Variants in GTF2F2 observed in about 807,000 individuals in gnomAD.
GTF2F2 encodes the protein ATP-dependent helicase GTF2F2.
In GTF2F2, 23 loss-of-function variants were observed where a neutral mutation model predicts 42.2. The observed-to-expected ratio is 0.55, with a 90% CI of 0.39 to 0.77. GTF2F2 has a LOEUF of 0.77. Among genes scored for constraint, GTF2F2 ranks in the 30% least tolerant of loss-of-function variants. The pLI is 0.00. For missense variants in GTF2F2, 261 were observed against 287.2 expected, an observed-to-expected ratio of 0.91 and a Z score of 0.66; for synonymous variants, 105 against 100.8, an observed-to-expected ratio of 1.04 and a Z score of -0.25.
chr13:45,193,924 G>C, intron 4 of GTF2F2: 1 of 1,614,028 alleles, frequency 6.2e-7, no homozygotes, highest in Non-Finnish European at 8.5e-7. Context: ...ACAGACAAAG[G>C]TGTTGTCTTC....
intron 1 of GTF2F2, among the ~76,000 whole-genome samples, 171 bp from the exon 2 acceptor site, chr13:45,136,562 A>C (rs1487296323): frequency 6.6e-6 from 1 of 152,222 alleles, no homozygotes; most frequent in African/African-American, 2.4e-5. Flanking sequence ...TTGAGAGCTA[A>C]AATCATTTTT....
chr13:45,207,005 A>AACACACACAC (rs10547539), intron 4 of GTF2F2: 10,951 of 139,174 alleles, frequency 0.079, 467 homozygotes, highest in Non-Finnish European at 0.095. Flanking sequence ...CACATACACA[A>AACACACACAC]ACACACACAC....
intron 4 of GTF2F2, among the ~76,000 whole-genome samples, chr13:45,154,566 A>C (rs7996878): frequency 3.0e-4 from 46 of 152,296 alleles, no homozygotes; most frequent in African/African-American, 1.0e-3. Context: ...ACACTATAAC[A>C]ATTTTTTGCT....
intron 5 of GTF2F2, among the ~76,000 whole-genome samples, chr13:45,242,184 A>G (rs1425783797): frequency 7.0e-6 from 1 of 143,498 alleles, no homozygotes; most frequent in Non-Finnish European, 1.5e-5. Context: ...CTCAACCCTC[A>G]CCCTATTACT....
chr13:45,174,370 A>G (rs1176653678), intron 4 of GTF2F2, among the ~76,000 whole-genome samples: 1 of 152,194 alleles, frequency 6.6e-6, no homozygotes, highest in African/African-American at 2.4e-5. Context: ...AAGATGTATT[A>G]ACATGAAACA....
intron 5 of GTF2F2, among the ~76,000 whole-genome samples, chr13:45,252,636 T>C (rs1020483720): frequency 6.6e-6 from 1 of 152,154 alleles, no homozygotes; most frequent in African/African-American, 2.4e-5. Flanking sequence ...AATAAGCGGG[T>C]GAAAAGTACA....
At chr13:45,241,685 A>G (rs187022915) in intron 5 of GTF2F2, among the ~76,000 whole-genome samples, 10 of 152,310 alleles carry the variant, frequency 6.6e-5, no homozygotes, top group African/African-American at 1.2e-4. Flanking sequence ...TTTTATATCT[A>G]TTCTCTTAAA....
intron 1 of GTF2F2, chr13:45,123,180 T>G (rs1298377737): frequency 6.6e-6 from 1 of 152,298 alleles, no homozygotes; most frequent in Non-Finnish European, 1.5e-5. Flanking sequence ...GGCGGGTGTC[T>G]CCTTCCTCCC....
At position 45,128,782 on chromosome 13, in the gene GTF2F2, T is replaced by TG. The variant is rs569415175; in HGVS notation, c.67-7947dup. ...ATAATTTTTAAATTTTTTGTAGAGA[T>TG]GGGGTCCCCGTATGTTGCCCAGGGT... On this transcript the variant is annotated intron_variant, in intron 1 of 7. Transcript: ENST00000340473. 2.0e-4 allele frequency among the ~76,000 whole-genome samples: 31 copies of TG among 152,016 alleles called. 1 individual carries two copies. The South Asian group carries it at 5.0e-3, about 25-fold the overall frequency.
At chr13:45,121,271 C>G (rs1284072768) in intron 1 of GTF2F2, among the ~76,000 whole-genome samples, 2 of 152,188 alleles carry the variant, frequency 1.3e-5, no homozygotes, top group Admixed American at 6.5e-5. Context: ...ACATTTGGGT[C>G]TCGTGAAACT....
intron 5 of GTF2F2, among the ~76,000 whole-genome samples, chr13:45,217,591 T>C (rs1289071527): frequency 6.6e-6 from 1 of 152,238 alleles, no homozygotes; most frequent in Non-Finnish European, 1.5e-5. Flanking sequence ...GATTTATAGT[T>C]ACACCTTGGT....
At chr13:45,218,473 G>A (rs1873978429) in intron 5 of GTF2F2, among the ~76,000 whole-genome samples, 1 of 152,196 alleles carries the variant, frequency 6.6e-6, no homozygotes, top group Non-Finnish European at 1.5e-5. Flanking sequence ...TCATGTGAAT[G>A]TGCCCCTTTA....
chr13:45,163,832 G>C (rs1209816652), intron 4 of GTF2F2, among the ~76,000 whole-genome samples: 1 of 152,116 alleles, frequency 6.6e-6, no homozygotes, highest in Non-Finnish European at 1.5e-5. Context: ...TTATTTGGTT[G>C]CCTTTGTATT....
intron 4 of GTF2F2, 68 bp downstream of exon 4, chr13:45,151,899 C>T (rs1435453542): frequency 4.3e-6 from 2 of 460,948 alleles, no homozygotes; most frequent in African/African-American, 2.1e-5. Context: ...TCTCAACATA[C>T]ACTCCTATTT....
chr13:45,226,059 A>G (rs959210891), intron 5 of GTF2F2, among the ~76,000 whole-genome samples: 2 of 118,144 alleles, frequency 1.7e-5, no homozygotes, highest in Admixed American at 7.6e-5. Context: ...TTATATCCGG[A>G]AAAAAAAAAA....
At chr13:45,202,098 T>G (rs1306554613) in intron 4 of GTF2F2, among the ~76,000 whole-genome samples, 1 of 151,272 alleles carries the variant, frequency 6.6e-6, no homozygotes, top group African/African-American at 2.5e-5. Flanking sequence ...TCTTCAAAAC[T>G]CTTCTTGGCC....
intron 5 of GTF2F2, among the ~76,000 whole-genome samples, chr13:45,237,129 G>A (rs1271472776): frequency 6.6e-6 from 1 of 152,124 alleles, no homozygotes; most frequent in Non-Finnish European, 1.5e-5. Flanking sequence ...CTTTGAATCA[G>A]ATATATAAGA....
At chr13:45,211,012 T>A (rs535403362) in intron 5 of GTF2F2, among the ~76,000 whole-genome samples, 1 of 152,132 alleles carries the variant, frequency 6.6e-6, no homozygotes, top group Non-Finnish European at 1.5e-5. Context: ...GTAGAGCCAA[T>A]AGGACTTAAT....
chr13:45,168,305 T>G (rs1441657176), intron 4 of GTF2F2, among the ~76,000 whole-genome samples: 1 of 152,224 alleles, frequency 6.6e-6, no homozygotes, highest in Non-Finnish European at 1.5e-5. Flanking sequence ...TCTCGGCACC[T>G]TTGTCTGCCT....
Sources: gnomAD v4.1 joint callset for allele counts (sites outside exome capture counted in the v4.1 genomes callset) on GRCh38, gnomAD v4.1.1 for gene constraint, MANE v1.5 for transcripts, NCBI Gene and HGNC (gene_info 2026-07-23, HGNC 2026-07-21) for gene names.